The following ST7 variants were observed in gnomAD, a reference collection of about 807,000 sequenced individuals.
The protein encoded by ST7 is suppression of tumorigenicity 7.
A neutral mutation model predicts 78.7 loss-of-function variants in ST7; 28 were observed. The observed-to-expected ratio is 0.36, with a 90% CI of 0.26 to 0.49. The LOEUF (loss-of-function observed/expected upper bound fraction) is 0.49, where lower values mean the gene tolerates loss of function less well. Among genes scored for constraint, ST7 ranks in the 20% least tolerant of loss-of-function variants. The probability of loss-of-function intolerance (pLI) is 0.99; values close to 1 mark genes in which losing one functional copy is unlikely to be tolerated. For missense variants in ST7, 418 were observed against 696.0 expected, an observed-to-expected ratio of 0.60 and a Z score of 4.49; for synonymous variants, 247 against 249.6, an observed-to-expected ratio of 0.99 and a Z score of 0.10.
intron 2 of ST7, 95 bp from the exon 3 acceptor site, chr7:117,119,466 G>C: frequency 6.9e-6 from 8 of 1,166,488 alleles, no homozygotes; most frequent in Non-Finnish European, 9.4e-6. Flanking sequence ...ATATACTTAA[G>C]GTGGAATTAG....
intron 10 of ST7, among the ~76,000 whole-genome samples, chr7:117,172,464 T>C (rs558834930): frequency 3.3e-5 from 5 of 152,254 alleles, no homozygotes; most frequent in Non-Finnish European, 7.3e-5. Context: ...TAACAAGATA[T>C]ATGCTACCTA....
At chr7:117,071,775 T>C (rs565717549) in intron 1 of ST7, among the ~76,000 whole-genome samples, 1 of 152,184 alleles carries the variant, frequency 6.6e-6, no homozygotes, top group African/African-American at 2.4e-5. Context: ...TCTCCAGATG[T>C]CATTAGTTAG....
At position 117,117,632 on chromosome 7, in the gene ST7, C is replaced by T. The variant is rs566778188; in HGVS notation, c.235-1929C>T. The stretch of plus-strand genomic sequence containing the variant: ...GTACTTTCTACCAACTGTCTAGTAA[C>T]AGGCAAAATGCTGTAGTAACCTGAA... On this transcript the variant is annotated intron_variant, in intron 2 of 15. Coordinates refer to ENST00000323984, the MANE Select transcript of ST7 (RefSeq NM_001369598.1). 2.6e-5 allele frequency among the ~76,000 whole-genome samples: 4 copies of T among 152,266 alleles called. No homozygotes were observed. In the South Asian group the frequency reaches 8.3e-4, roughly 32 times the overall value.
intron 12 of ST7, among the ~76,000 whole-genome samples, chr7:117,204,191 A>G (rs781185091): frequency 6.6e-6 from 1 of 152,238 alleles, no homozygotes; most frequent in Non-Finnish European, 1.5e-5. Context: ...TCTGTGGGAC[A>G]TGTATATGTG....
At chr7:117,138,676 T>A in intron 9 of ST7, 144 bp downstream of exon 9, 1 of 532,648 alleles carries the variant, frequency 1.9e-6, no homozygotes, top group Non-Finnish European at 3.4e-6. Context: ...AGTTCCCAAT[T>A]TACTAGATGA....
intron 1 of ST7, among the ~76,000 whole-genome samples, chr7:117,043,544 C>T (rs552322291): frequency 1.3e-5 from 2 of 152,310 alleles, no homozygotes; most frequent in African/African-American, 4.8e-5. Context: ...CCCAAGTCAA[C>T]AAGCCTTCTC....
chr7:116,972,672 C>A (rs186522139), intron 1 of ST7: 10 of 1,079,810 alleles, frequency 9.3e-6, no homozygotes, highest in Non-Finnish European at 1.4e-5. Flanking sequence ...CAGTTTTTTC[C>A]GCTTCTTCCA....
chr7:117,160,653 G>GTGTATA (rs150222080), intron 9 of ST7, among the ~76,000 whole-genome samples: 14 of 147,692 alleles, frequency 9.5e-5, no homozygotes, highest in East Asian at 4.0e-4. Context: ...GTGTGTGTGT[G>GTGTATA]TATATATATA....
intron 1 of ST7, among the ~76,000 whole-genome samples, chr7:117,005,658 A>T (rs1261816619): frequency 6.6e-6 from 1 of 152,168 alleles, no homozygotes; most frequent in Non-Finnish European, 1.5e-5. Context: ...TTGAAGATGT[A>T]GTATGCTGAA....
chr7:116,972,769 T>G lies in ST7; in HGVS notation c.151+19078T>G, dbSNP rs1793496976. 6.4e-6 allele frequency: 6 copies of G among 933,954 alleles called. No individual in the cohort carries two copies. In the East Asian group the frequency reaches 1.4e-4, roughly 22 times the overall value. 57.9% of individuals were successfully genotyped at this position (933,954 alleles called of 1,614,324 possible). The stretch of plus-strand genomic sequence containing the variant: ...GATCCTACGGTTCAAGGAGGCCACC[T>G]CAGCCTCAGCCTGTTCCTGGGAACA... On this transcript the variant is annotated intron_variant, in intron 1 of 15. Transcript: ENST00000323984.
chr7:116,955,839 T>C (rs73714358), intron 1 of ST7, among the ~76,000 whole-genome samples: 113 of 152,294 alleles, frequency 7.4e-4, no homozygotes, highest in African/African-American at 2.3e-3. Context: ...TGTTAATTTG[T>C]GTAGGGGCAG....
At chr7:116,977,253 A>G (rs1793747106) in intron 1 of ST7, among the ~76,000 whole-genome samples, 1 of 152,232 alleles carries the variant, frequency 6.6e-6, no homozygotes, top group Non-Finnish European at 1.5e-5. Flanking sequence ...CCCACTAAGT[A>G]AGTAAGGTGT....
intron 1 of ST7, among the ~76,000 whole-genome samples, chr7:117,052,382 C>A (rs1413497123): frequency 6.6e-6 from 1 of 152,092 alleles, no homozygotes; most frequent in Non-Finnish European, 1.5e-5. Flanking sequence ...TATGCACCAC[C>A]AGAAAGGATT....
In ST7 at chr7:117,207,701, T is replaced by G. The variant is rs554307006; in HGVS notation, c.1255-2086T>G. ...ATGAGTTAGTTGTTTTCATATTTTA[T>G]GTTTCAAATTTTATAAACATGATCC... On this transcript the variant is annotated intron_variant, in intron 12 of 15. Transcript: ENST00000323984. Among the ~76,000 whole-genome samples the G allele has an allele frequency of 3.9e-5, 6 of 152,376 alleles. No individual in the cohort carries two copies. The South Asian group carries it at 1.2e-3, about 32-fold the overall frequency.
At chr7:117,118,773 G>A (rs1004512246) in intron 2 of ST7, among the ~76,000 whole-genome samples, 1 of 152,164 alleles carries the variant, frequency 6.6e-6, no homozygotes, top group African/African-American at 2.4e-5. Flanking sequence ...AGGTAAGAAG[G>A]GTTGGGGGAG....
rs569075449 is a variant in ST7 at position 117,004,330 on chromosome 7, A to G, written c.151+50639A>G. Among the ~76,000 whole-genome samples, 4 of 152,304 alleles carry G rather than the reference A, an allele frequency of 2.6e-5. 1 individual carries two copies. The highest frequency in any genetic ancestry group is 9.6e-5 in the African/African-American group (4 of 41,576). Reference sequence around the variant, plus strand: ...TATCCACTTGGCTCTGAATTGTACCATTTCATCATGGGTAAGTCTCTGGAG... The same window carrying G: ...TATCCACTTGGCTCTGAATTGTACCGTTTCATCATGGGTAAGTCTCTGGAG... On this transcript the variant is annotated intron_variant, in intron 1 of 15. Coordinates refer to ENST00000323984, the MANE Select transcript of ST7 (RefSeq NM_001369598.1).
At chr7:117,146,143 T>G (rs1221483211) in intron 9 of ST7, 1 of 152,230 alleles carries the variant, frequency 6.6e-6, no homozygotes, top group Non-Finnish European at 1.5e-5. Context: ...ATGAGTGTCC[T>G]ATAAAATTAC....
At chr7:117,099,549 T>C (rs1801409540) in intron 1 of ST7, among the ~76,000 whole-genome samples, 1 of 152,230 alleles carries the variant, frequency 6.6e-6, no homozygotes, top group South Asian at 2.1e-4. Flanking sequence ...TTTTCTTGTA[T>C]GTAGCTTTTT....
At chr7:117,214,199 T>G (rs1166236932) in intron 13 of ST7, among the ~76,000 whole-genome samples, 1 of 152,206 alleles carries the variant, frequency 6.6e-6, no homozygotes, top group Non-Finnish European at 1.5e-5. Flanking sequence ...ATCAGGAGGC[T>G]AGTCTGCCAT....
Sources: allele counts gnomAD v4.1 joint callset (sites outside exome capture counted in the v4.1 genomes callset), GRCh38; gene constraint gnomAD v4.1.1; transcripts MANE v1.5; gene names NCBI Gene and HGNC (gene_info 2026-07-23, HGNC 2026-07-21).